Variants in BOK observed in about 807,000 individuals in gnomAD.
BOK encodes BCL2 family apoptosis regulator BOK.
BOK carries 20 observed loss-of-function variants against 18.3 expected under a neutral mutation model. The ratio of observed to expected loss-of-function variants is 1.09; its 90% confidence interval spans 0.77 to 1.59. BOK has a LOEUF of 1.59. Ranked by LOEUF, BOK falls within the 40% of genes most tolerant of loss-of-function variation. The pLI is 0.00. For missense variants in BOK, 348 were observed against 307.9 expected, an observed-to-expected ratio of 1.13 and a Z score of -0.97; for synonymous variants, 173 against 142.4, an observed-to-expected ratio of 1.21 and a Z score of -1.53.
At chr2:241,553,577 G>A (rs1433593802) in intron 1 of BOK, among the ~76,000 whole-genome samples, 1 of 152,212 alleles carries the variant, frequency 6.6e-6, no homozygotes, top group African/African-American at 2.4e-5. Flanking sequence ...GGAAAGAGAC[G>A]TGTCTTACGA....
At chr2:241,566,147 G>A (rs2066607566) in intron 3 of BOK, among the ~76,000 whole-genome samples, 1 of 145,864 alleles carries the variant, frequency 6.9e-6, no homozygotes, top group South Asian at 2.1e-4. Context: ...GGCCAGGTTT[G>A]GTGGCACATG....
rs931771167 is a variant in BOK, at chr2:241,562,838, T to C, written c.349+362T>C. Among the ~76,000 whole-genome samples, 9 of 152,186 alleles carry C rather than the reference T, an allele frequency of 5.9e-5. No homozygotes were observed. Among genetic ancestry groups the C allele is most frequent in the African/African-American group, 2.2e-4 (9 of 41,432 alleles). On this transcript the variant is annotated intron_variant, in intron 3 of 4. Transcript: ENST00000318407. This position sits in a 1 kb window ranked among gnomAD's most constrained non-coding sequence, Gnocchi z 4.5. ...AGGGGCCCCCGAGCGGGGCTTGGGC[T>C]TCTCACAGCATGGTGCTGTGTCCCA...
In BOK at chr2:241,572,497, T is replaced by A; in HGVS notation, c.*75T>A. ...GAGGCCCTCAGCACCCGAACACATC[T>A]TCCTCCTCCCCACCCGAGCCTGGAG... is the stretch of plus-strand genomic sequence containing the variant. On this transcript the variant is annotated 3_prime_UTR_variant, in exon 5 of 5. Coordinates refer to ENST00000318407, the MANE Select transcript of BOK (RefSeq NM_032515.5). 6.5e-7 allele frequency: 1 copy of A among 1,527,790 alleles called. No homozygotes were observed. Among genetic ancestry groups the A allele is most frequent in the East Asian group, 2.4e-5 (1 of 42,200 alleles). 94.6% of individuals were successfully genotyped at this position (1,527,790 alleles called of 1,614,324 possible). A position where few individuals can be genotyped will look rare whatever the true frequency, so the allele number is the denominator to read the frequency against.
upstream of BOK, among the ~76,000 whole-genome samples, chr2:241,554,798 C>A (rs960777348): frequency 6.6e-6 from 1 of 152,222 alleles, no homozygotes; most frequent in Non-Finnish European, 1.5e-5. Context: ...TGAAACCAAC[C>A]GACCTCTCTC....
intron 3 of BOK, among the ~76,000 whole-genome samples, chr2:241,564,646 G>A (rs991149026): frequency 1.3e-5 from 2 of 152,130 alleles, no homozygotes; most frequent in Non-Finnish European, 2.9e-5. Flanking sequence ...GCTGGTGCCC[G>A]CCCCTCCTGC....
upstream of BOK, among the ~76,000 whole-genome samples, chr2:241,555,192 T>C (rs1458148161): frequency 6.6e-6 from 1 of 152,110 alleles, no homozygotes; most frequent in Non-Finnish European, 1.5e-5. Context: ...CTGCTCTCTT[T>C]TTAAAATTTG....
In BOK at chr2:241,558,935, G is replaced by A. The variant is rs2066479236; in HGVS notation, c.-88G>A. The A allele has an allele frequency of 6.6e-6, 1 of 151,806 alleles. No homozygotes were observed. Among genetic ancestry groups the A allele is most frequent in the Non-Finnish European group, 1.5e-5 (1 of 67,884 alleles). 9.4% of individuals were successfully genotyped at this position (151,806 alleles called of 1,614,324 possible). On this transcript the variant is annotated 5_prime_UTR_variant, in exon 1 of 5. Coordinates refer to ENST00000318407, the MANE Select transcript of BOK (RefSeq NM_032515.5). ...TGGAAGGGTCGAGGTCGTCGTCGGC[G>A]GCGAGCAGATCCTGAAGCCAGAACT...
intron 3 of BOK, among the ~76,000 whole-genome samples, chr2:241,565,960 A>G (rs1486871653): frequency 6.6e-5 from 10 of 152,156 alleles, no homozygotes; most frequent in Non-Finnish European, 5.9e-5. Flanking sequence ...GTAATTTTAT[A>G]TAATTCTTCT....
chr2:241,569,568 CT>C (rs1324755762), intron 3 of BOK, among the ~76,000 whole-genome samples: 1 of 152,124 alleles, frequency 6.6e-6, no homozygotes, highest in Non-Finnish European at 1.5e-5. Context: ...GCTCATAGTT[CT>C]TTTTTGAAAG....
intron 1 of BOK, among the ~76,000 whole-genome samples, chr2:241,553,457 T>C (rs1364180540): frequency 6.6e-6 from 1 of 152,014 alleles, no homozygotes; most frequent in Non-Finnish European, 1.5e-5. Context: ...CAGCCGAGAC[T>C]GGGTAATTTA....
Position 241,572,532 on chromosome 2 carries a change from C to T in BOK, c.*110C>T. On this transcript the variant is annotated 3_prime_UTR_variant, in exon 5 of 5. Coordinates refer to ENST00000318407, the MANE Select transcript of BOK (RefSeq NM_032515.5). Reference sequence around the variant, plus strand: ...CCACCCGAGCCTGGAGCACTCTAACCCTCGGAGACCCCCTAAGCCCCGTTC... The same window carrying T: ...CCACCCGAGCCTGGAGCACTCTAACTCTCGGAGACCCCCTAAGCCCCGTTC... 3 of 1,453,140 alleles carry T rather than the reference C, an allele frequency of 2.1e-6. No individual in the cohort carries two copies. The highest frequency in any genetic ancestry group is 1.3e-5 in the South Asian group (1 of 74,500). The allele number at this position is 1,453,140 out of a possible 1,614,324, so 90.0% of individuals were successfully genotyped here. A position where few individuals can be genotyped will look rare whatever the true frequency, so the allele number is the denominator to read the frequency against.
intron 3 of BOK, among the ~76,000 whole-genome samples, chr2:241,569,089 T>C (rs2125053671): frequency 6.6e-6 from 1 of 152,328 alleles, no homozygotes; most frequent in South Asian, 2.1e-4. Flanking sequence ...TTTACAAGGC[T>C]GTGCAGTGGC....
At chr2:241,554,491 C>T (rs2066436823), upstream of BOK, among the ~76,000 whole-genome samples, 1 of 152,188 alleles carries the variant, frequency 6.6e-6, no homozygotes, top group East Asian at 1.9e-4. Flanking sequence ...GGGGGCCCAC[C>T]CGCTTCCACA....
Position 241,562,698 on chromosome 2 carries a change from G to A in BOK, c.349+222G>A, listed in dbSNP as rs2066549493. On this transcript the variant is annotated intron_variant, in intron 3 of 4. Transcript: ENST00000318407. This position sits in a 1 kb window ranked among gnomAD's most constrained non-coding sequence, Gnocchi z 4.5. The stretch of plus-strand genomic sequence containing the variant: ...TGTGGTTCTGCAGGCTGGTGGGCAT[G>A]CTGAGCAGCTGGCACAGGCTTCTTG... 6.6e-6 allele frequency among the ~76,000 whole-genome samples: 1 copy of A among 152,238 alleles called. No homozygotes were observed. Among genetic ancestry groups the A allele is most frequent in the Non-Finnish European group, 1.5e-5 (1 of 68,036 alleles).
Position 241,562,579 on chromosome 2 carries a change from C to A in BOK, c.349+103C>A. On this transcript the variant is annotated intron_variant, in intron 3 of 4. Coordinates refer to ENST00000318407, the MANE Select transcript of BOK (RefSeq NM_032515.5). The surrounding 1 kb of genome is among the most constrained non-coding windows in gnomAD (Gnocchi z 4.5). Reference sequence around the variant, plus strand: ...GAGCTGGCCCCCACCCATCCTGGCGCTGCCCAGTGCCCACCGGTGCCATCT... The same window carrying A: ...GAGCTGGCCCCCACCCATCCTGGCGATGCCCAGTGCCCACCGGTGCCATCT... 7.1e-7 allele frequency: 1 copy of A among 1,406,220 alleles called. No individual in the cohort carries two copies. Among genetic ancestry groups the A allele is most frequent in the East Asian group, 2.5e-5 (1 of 40,420 alleles). 87.1% of individuals were successfully genotyped at this position (1,406,220 alleles called of 1,614,324 possible).
upstream of BOK, among the ~76,000 whole-genome samples, chr2:241,557,184 A>AT (rs1216198026): frequency 6.8e-6 from 1 of 146,740 alleles, no homozygotes; most frequent in African/African-American, 2.5e-5. Context: ...GATTTTCTCT[A>AT]TTTTTTGCTT....
At chr2:241,571,174 C>G (rs1575005218) in intron 4 of BOK, among the ~76,000 whole-genome samples, 1 of 152,122 alleles carries the variant, frequency 6.6e-6, no homozygotes, top group Admixed American at 6.5e-5. Context: ...ACCCCCGATC[C>G]TACCCCTGTG....
At position 241,572,521 on chromosome 2, in the gene BOK, A is replaced by G; in HGVS notation, c.*99A>G. The G allele has an allele frequency of 6.7e-7, 1 of 1,490,984 alleles. No homozygotes were observed. Among genetic ancestry groups the G allele is most frequent in the Non-Finnish European group, 8.9e-7 (1 of 1,118,104 alleles). 92.4% of individuals were successfully genotyped at this position (1,490,984 alleles called of 1,614,324 possible). A position where few individuals can be genotyped will look rare whatever the true frequency, so the allele number is the denominator to read the frequency against. ...CTTCCTCCTCCCCACCCGAGCCTGGAGCACTCTAACCCTCGGAGACCCCCT... is the reference window on the plus strand; with the variant it reads ...CTTCCTCCTCCCCACCCGAGCCTGGGGCACTCTAACCCTCGGAGACCCCCT... On this transcript the variant is annotated 3_prime_UTR_variant, in exon 5 of 5. Transcript: ENST00000318407.
At chr2:241,557,170 T>A (rs2066459104), upstream of BOK, among the ~76,000 whole-genome samples, 1 of 152,146 alleles carries the variant, frequency 6.6e-6, no homozygotes, top group Admixed American at 6.5e-5. Context: ...TTTTTGGCTT[T>A]GTTGATTTTC....
Sources: gnomAD v4.1 joint callset for allele counts (sites outside exome capture counted in the v4.1 genomes callset) on GRCh38, gnomAD v4.1.1 for gene constraint, Gnocchi (gnomAD v3.1) non-coding constraint, MANE v1.5 for transcripts, NCBI Gene and HGNC (gene_info 2026-07-23, HGNC 2026-07-21) for gene names.